TMEM108: variants seen among roughly 807,000 people sequenced by gnomAD.
The protein encoded by TMEM108 is transmembrane protein 108, also known as cancer/testis antigen 124.
Under a neutral mutation model 35.1 loss-of-function variants are expected in TMEM108, and 12 were observed. That is an observed-to-expected ratio of 0.34 (90% CI 0.22 to 0.55). TMEM108 has a LOEUF of 0.55. Ranked by LOEUF, TMEM108 falls within the 20% of genes least tolerant of loss-of-function variation. TMEM108 has a pLI of 0.89. For missense variants in TMEM108, 680 were observed against 753.3 expected (o/e 0.90, Z 1.14); for synonymous variants, 287 against 308.6 (o/e 0.93, Z 0.73).
chr3:133,250,308 C>T (rs1355123137), intron 3 of TMEM108, among the ~76,000 whole-genome samples: 3 of 152,146 alleles, frequency 2.0e-5, no homozygotes, highest in South Asian at 2.1e-4. Context: ...AGTGTGAAGA[C>T]AACAAGGATG....
In TMEM108 at chr3:133,371,613, CAAAAAAAAAA is replaced by C. The variant is rs3054624; in HGVS notation, c.41-8122_41-8113del. ...ATCACTGCAGCCAGTCACAAACCCA[CAAAAAAAAAA>C]AAAAAAAAAAAAAAAACCCACCCAG... is the stretch of plus-strand genomic sequence containing the variant. On this transcript the variant is annotated intron_variant, in intron 3 of 5. Transcript: ENST00000321871. 3.5e-3 allele frequency among the ~76,000 whole-genome samples: 271 copies of C among 78,104 alleles called. 2 individuals are homozygous for C. Among genetic ancestry groups the C allele is most frequent in the African/African-American group, 0.015 (256 of 16,956 alleles). The allele number at this position is 78,104 out of a possible 152,430, so 51.2% of individuals were successfully genotyped here. A position where few individuals can be genotyped will look rare whatever the true frequency, so the allele number is the denominator to read the frequency against.
Position 133,395,775 on chromosome 3 carries a change from A to G in TMEM108, c.1606-89A>G, listed in dbSNP as rs1576549964. ...TGTGCACCAAGCCATCAGTGCTGAA[A>G]TAAATGTTCCCATGTGTACATTTCT... On this transcript the variant is annotated intron_variant, in intron 5 of 5. Transcript: ENST00000321871. 6.0e-6 allele frequency: 8 copies of G among 1,343,318 alleles called. No individual in the cohort carries two copies. In the East Asian group the frequency reaches 1.9e-4, roughly 32 times the overall value. 83.2% of individuals were successfully genotyped at this position (1,343,318 alleles called of 1,614,324 possible).
intron 4 of TMEM108, among the ~76,000 whole-genome samples, chr3:133,381,815 CTA>C (rs1221424183): frequency 6.6e-6 from 1 of 152,204 alleles, no homozygotes; most frequent in Non-Finnish European, 1.5e-5. Flanking sequence ...GTTCTTGCAG[CTA>C]AATTAAGGCT....
intron 2 of TMEM108, among the ~76,000 whole-genome samples, chr3:133,116,894 T>G (rs887107059): frequency 3.9e-5 from 6 of 152,140 alleles, no homozygotes; most frequent in African/African-American, 1.2e-4. Flanking sequence ...CCCAGCCTCC[T>G]GAGTAGCTGA....
intron 3 of TMEM108, among the ~76,000 whole-genome samples, chr3:133,237,992 A>T (rs1946263151): frequency 6.6e-6 from 1 of 152,310 alleles, no homozygotes; most frequent in East Asian, 1.9e-4. Flanking sequence ...AATGTTTGAG[A>T]ACCTCTGACC....
At chr3:133,306,082 T>C (rs1440350716) in intron 3 of TMEM108, among the ~76,000 whole-genome samples, 4 of 152,176 alleles carry the variant, frequency 2.6e-5, no homozygotes, top group Admixed American at 6.5e-5. Flanking sequence ...ATAGTACTTT[T>C]CGAAGCACAA....
intron 2 of TMEM108, among the ~76,000 whole-genome samples, chr3:133,098,864 G>A (rs1222598788): frequency 2.0e-5 from 3 of 152,122 alleles, no homozygotes; most frequent in Non-Finnish European, 2.9e-5. Context: ...ATGCTTTCAC[G>A]GGCTGGCGTT....
intron 3 of TMEM108, among the ~76,000 whole-genome samples, chr3:133,321,665 C>T (rs1365227492): frequency 6.6e-6 from 1 of 152,116 alleles, no homozygotes; most frequent in Non-Finnish European, 1.5e-5. Context: ...AAACTATGCC[C>T]TAGAACAAAT....
chr3:133,368,630 C>G (rs2072566950), intron 3 of TMEM108, among the ~76,000 whole-genome samples: 1 of 149,666 alleles, frequency 6.7e-6, no homozygotes, highest in Non-Finnish European at 1.5e-5. Flanking sequence ...AATACATGCA[C>G]TCACACACAC....
intron 2 of TMEM108, among the ~76,000 whole-genome samples, chr3:133,178,963 GA>G (rs1374338894): frequency 6.6e-6 from 1 of 151,628 alleles, no homozygotes; most frequent in African/African-American, 2.4e-5. Flanking sequence ...AAATTTACAA[GA>G]AAAAAACAAC....
chr3:133,280,224 G>C (rs1386073007), intron 3 of TMEM108, among the ~76,000 whole-genome samples: 3 of 152,142 alleles, frequency 2.0e-5, no homozygotes, highest in Non-Finnish European at 4.4e-5. Flanking sequence ...AATCAGGAAA[G>C]TCAACATGTA....
At chr3:133,186,974 G>A (rs1448311999) in intron 2 of TMEM108, among the ~76,000 whole-genome samples, 1 of 151,972 alleles carries the variant, frequency 6.6e-6, no homozygotes, top group African/African-American at 2.4e-5. Context: ...CCAGACCTTG[G>A]GCAAGTCACT....
At chr3:133,079,945 G>C (rs1943788956) in intron 2 of TMEM108, among the ~76,000 whole-genome samples, 1 of 152,154 alleles carries the variant, frequency 6.6e-6, no homozygotes, top group South Asian at 2.1e-4. Flanking sequence ...ATAGCCAGAG[G>C]CCTCACTCCA....
intron 2 of TMEM108, among the ~76,000 whole-genome samples, chr3:133,107,953 TG>T (rs1245900961): frequency 6.6e-6 from 1 of 152,182 alleles, no homozygotes; most frequent in Non-Finnish European, 1.5e-5. Flanking sequence ...TGTTTATAGC[TG>T]GGCACGGTGG....
At chr3:133,166,460 G>C (rs1447341112) in intron 2 of TMEM108, among the ~76,000 whole-genome samples, 2 of 152,254 alleles carry the variant, frequency 1.3e-5, no homozygotes, top group East Asian at 3.8e-4. Context: ...CTCGCAGTGA[G>C]CGTTACAGTT....
intron 2 of TMEM108, among the ~76,000 whole-genome samples, chr3:133,182,207 C>G (rs187887261): frequency 4.1e-4 from 62 of 152,172 alleles, no homozygotes; most frequent in African/African-American, 1.4e-3. Flanking sequence ...AGTGGTAGAT[C>G]GATTAACCAG....
intron 2 of TMEM108, among the ~76,000 whole-genome samples, chr3:133,195,823 G>T (rs555823559): frequency 1.3e-5 from 2 of 152,334 alleles, no homozygotes; most frequent in East Asian, 3.9e-4. Context: ...CTGAAGTGGA[G>T]CTTTGAACAC....
At chr3:133,080,818 A>G (rs1395416866) in intron 2 of TMEM108, among the ~76,000 whole-genome samples, 1 of 151,968 alleles carries the variant, frequency 6.6e-6, no homozygotes, top group African/African-American at 2.4e-5. Flanking sequence ...TATTTTCTCC[A>G]TTTTTTTTAA....
chr3:133,374,637 A>C (rs2072781098), intron 3 of TMEM108, among the ~76,000 whole-genome samples: 1 of 151,744 alleles, frequency 6.6e-6, no homozygotes, highest in Admixed American at 6.6e-5. Context: ...GGAGTGTATG[A>C]GATGTTAGGA....
Sources: gnomAD v4.1 joint callset for allele counts (sites outside exome capture counted in the v4.1 genomes callset) on GRCh38, gnomAD v4.1.1 for gene constraint, MANE v1.5 for transcripts, NCBI Gene and HGNC (gene_info 2026-07-23, HGNC 2026-07-21) for gene names.